The following HAS1 variants were observed in gnomAD, a reference collection of about 807,000 sequenced individuals.
HAS1 encodes HA synthase 1.
In HAS1, 27 loss-of-function variants were observed where a neutral mutation model predicts 35.0. That is an observed-to-expected ratio of 0.77 (90% confidence interval 0.57 to 1.06). The LOEUF is 1.06. Among genes scored for constraint, HAS1 ranks in the 50% least tolerant of loss-of-function variants. The pLI is 0.00. For missense variants in HAS1, 940 were observed against 814.8 expected (o/e 1.15, Z -1.87); for synonymous variants, 409 against 371.2 (o/e 1.10, Z -1.17).
rs1263206923 is a variant in HAS1 at position 51,713,495 on chromosome 19, T to A, written c.1666A>T (p.Thr556Ser). ...AYVGYWVAML[T>S]LYWVGVRRLC... The stretch of plus-strand genomic sequence containing the variant: ...CTCCGCACGCCCACCCAGTACAGCG[T>A]CAACATGGCCACCCAGTAGCCCACG... The change falls in exon 5 of 5, where the codon ACG (threonine) becomes TCG (serine). Residue 556 changes from threonine (T) to serine (S), a missense_variant. Coordinates refer to ENST00000540069, the MANE Select transcript of HAS1 (RefSeq NM_001297436.2). This position sits in a 1 kb window ranked among gnomAD's most constrained non-coding sequence, Gnocchi z 4.5. 14 of 1,605,856 alleles carry A rather than the reference T, an allele frequency of 8.7e-6. No homozygotes were observed. The highest frequency in any genetic ancestry group is 1.3e-5 in the African/African-American group (1 of 74,624).
In HAS1 at chr19:51,713,387, TCCCC is replaced by T. The variant is rs1353691602; in HGVS notation, c.*36_*39del. The T allele has an allele frequency of 1.7e-5, 24 of 1,443,264 alleles. No homozygotes were observed. 89.4% of individuals were successfully genotyped at this position (1,443,264 alleles called of 1,614,324 possible). On this transcript the variant is annotated 3_prime_UTR_variant, in exon 5 of 5. Coordinates refer to ENST00000540069, the MANE Select transcript of HAS1 (RefSeq NM_001297436.2). This position sits in a 1 kb window ranked among gnomAD's most constrained non-coding sequence, Gnocchi z 4.5. ...GGGGCCCAGCAGCTCTCCTCTGGCC[TCCCC>T]TGAAGACCCTTGAGGCGGCATCCGC... is the stretch of plus-strand genomic sequence containing the variant.
rs2083560009 is a variant in HAS1 at position 51,713,758 on chromosome 19, A to G, written c.1403T>C (p.Met468Thr). ...GAACTTGGCAGGCAGGAGGCCACAC[A>G]TGTAGAGGGGCGCGTAGAGCGACAG... is the stretch of plus-strand genomic sequence containing the variant. ...VLLSLYAPLY[M>T]CGLLPAKFLA... The change falls in exon 5 of 5, where the codon ATG becomes ACG. Residue 468 changes from methionine to threonine, a missense_variant. Physicochemically the swap from Met to Thr is moderately conservative, Grantham distance 81 (BLOSUM62 -1). Transcript: ENST00000540069. This position sits in a 1 kb window ranked among gnomAD's most constrained non-coding sequence, Gnocchi z 4.5. 2 of 1,606,190 alleles carry G rather than the reference A, an allele frequency of 1.2e-6. No homozygotes were observed. Among genetic ancestry groups the G allele is most frequent in the African/African-American group, 1.3e-5 (1 of 74,750 alleles).
rs544159095 is a variant in HAS1, at chr19:51,713,438, C to A, written c.1723G>T (p.Val575Phe). ...LCRRRTGGYR[V>F]QV ...CCGCGTGGCTGGACTCACACCTGGA[C>A]GCGGTAGCCCCCGGTCCGCCGCCGG... Residue 575 changes from valine to phenylalanine, a missense_variant, in exon 5 of 5, where the codon GTC becomes TTC. Val to Phe is a conservative substitution (Grantham distance 50). Coordinates refer to ENST00000540069, the MANE Select transcript of HAS1 (RefSeq NM_001297436.2). The surrounding 1 kb of genome is among the most constrained non-coding windows in gnomAD (Gnocchi z 4.5). 1 of 1,529,358 alleles carries A rather than the reference C, an allele frequency of 6.5e-7. No homozygotes were observed. Among genetic ancestry groups the A allele is most frequent in the Admixed American group, 2.0e-5 (1 of 49,034 alleles). The allele number at this position is 1,529,358 out of a possible 1,614,324, so 94.7% of individuals were successfully genotyped here. A position where few individuals can be genotyped will look rare whatever the true frequency, so the allele number is the denominator to read the frequency against.
At chr19:51,715,699 A>C (rs565749155) in intron 4 of HAS1, among the ~76,000 whole-genome samples, 131 of 152,276 alleles carry the variant, frequency 8.6e-4, no homozygotes, top group African/African-American at 3.1e-3. Flanking sequence ...CTTTGCAGAA[A>C]TCACTCTCCC....
In HAS1 at chr19:51,719,496, G is replaced by A. The variant is rs2083609892; in HGVS notation, c.409C>T (p.Arg137Cys). Residue 137 changes from arginine (R) to cysteine (C), a missense_variant, in exon 2 of 5, where the codon CGC (arginine) becomes TGC (cysteine). By Grantham distance (180) the Arg-to-Cys change is radical. Transcript: ENST00000540069. Reference sequence around the variant, plus strand: ...TCGACCATGTAGAGGTCCTCGGCGCGGTTGCCATCCACCACCATGAGGACG... The same window carrying A: ...TCGACCATGTAGAGGTCCTCGGCGCAGTTGCCATCCACCACCATGAGGACG... ...LRVLMVVDGN[R>C]AEDLYMVDMF... 2.6e-6 allele frequency: 4 copies of A among 1,550,256 alleles called. No homozygotes were observed. In the South Asian group the frequency reaches 3.6e-5, roughly 14 times the overall value.
rs761306818 is a variant in HAS1 at position 51,713,401 on chromosome 19, T to C, written c.*26A>G. The C allele has an allele frequency of 6.4e-5, 95 of 1,472,966 alleles. No individual in the cohort carries two copies. Among genetic ancestry groups the C allele is most frequent in the Non-Finnish European group, 8.4e-5 (93 of 1,110,774 alleles). 91.2% of individuals were successfully genotyped at this position (1,472,966 alleles called of 1,614,324 possible). Reference sequence around the variant, plus strand: ...CTCCTCTGGCCTCCCCTGAAGACCCTTGAGGCGGCATCCGCGTGGCTGGAC... The same window carrying C: ...CTCCTCTGGCCTCCCCTGAAGACCCCTGAGGCGGCATCCGCGTGGCTGGAC... On this transcript the variant is annotated 3_prime_UTR_variant, in exon 5 of 5. Coordinates refer to ENST00000540069, the MANE Select transcript of HAS1 (RefSeq NM_001297436.2). The surrounding 1 kb of genome is among the most constrained non-coding windows in gnomAD (Gnocchi z 4.5).
chr19:51,716,340 T>A lies in HAS1; in HGVS notation c.974A>T (p.Asn325Ile). The change falls in exon 4 of 5, where the codon AAC (asparagine) becomes ATC (isoleucine). Residue 325 changes from asparagine (N) to isoleucine (I), a missense_variant. Physicochemically the swap from Asn to Ile is moderately radical, Grantham distance 149. Coordinates refer to ENST00000540069, the MANE Select transcript of HAS1 (RefSeq NM_001297436.2). ...ACAGTGGGTACCCAGGAACTTCTGG[T>A]TGTACCAGGCCTCAAGAAACTGCTG... Reference protein sequence around the residue: ...LLQQFLEAWYNQKFLGTHCTF... With the variant: ...LLQQFLEAWYIQKFLGTHCTF... 1.9e-6 allele frequency: 3 copies of A among 1,613,606 alleles called. No homozygotes were observed. Among genetic ancestry groups the A allele is most frequent in the Non-Finnish European group, 2.5e-6 (3 of 1,179,626 alleles).
chr19:51,714,072 C>A lies in HAS1; in HGVS notation c.1089G>T (p.Glu363Asp). The A allele has an allele frequency of 6.2e-7, 1 of 1,613,444 alleles. No individual in the cohort carries two copies. Among genetic ancestry groups the A allele is most frequent in the Non-Finnish European group, 8.5e-7 (1 of 1,179,764 alleles). ...KYTSRSRCYS[E>D]TPSSFLRWLS... ...GCCACCGCAGGAAGGACGAGGGCGT[C>A]TCTGAGTAGCAGCGGGACCTGGAGG... The change falls in exon 5 of 5, where the codon GAG becomes GAT. Residue 363 changes from glutamate to aspartate, a missense_variant. Coordinates refer to ENST00000540069, the MANE Select transcript of HAS1 (RefSeq NM_001297436.2).
Position 51,719,862 on chromosome 19 carries a change from A to G in HAS1, c.43T>C (p.Cys15Arg). 6.5e-7 allele frequency: 1 copy of G among 1,544,566 alleles called. No homozygotes were observed. Among genetic ancestry groups the G allele is most frequent in the South Asian group, 1.2e-5 (1 of 84,284 alleles). Residue 15 changes from cysteine (C) to arginine (R), a missense_variant, in exon 2 of 5, where the codon TGC becomes CGC. Physicochemically the swap from Cys to Arg is radical, Grantham distance 180. Coordinates refer to ENST00000540069, the MANE Select transcript of HAS1 (RefSeq NM_001297436.2). ...AGCACCCTCCGGGCCAGGCCGGAGC[A>G]GCGGCAGGCTGCAGGAGTGGGCTTG... Reference protein sequence around the residue: ...APKPTPAACRCSGLARRVLTI... With the variant: ...APKPTPAACRRSGLARRVLTI...
At chr19:51,720,069 T>A (rs1197377189) in intron 1 of HAS1, 174 bp from the exon 2 acceptor site, 1 of 558,936 alleles carries the variant, frequency 1.8e-6, no homozygotes, top group Middle Eastern at 4.4e-4. Flanking sequence ...TCTGTGTCTG[T>A]CTCGCTGTCT....
At chr19:51,720,006 C>T in intron 1 of HAS1, 111 bp from the exon 2 acceptor site, 4 of 606,776 alleles carry the variant, frequency 6.6e-6, no homozygotes, top group African/African-American at 1.9e-5. Flanking sequence ...TTTCCCTCCC[C>T]TCCCTCTCTC....
chr19:51,714,395 T>TAAATAAATAAATAAGC (rs1208372847), intron 4 of HAS1, among the ~76,000 whole-genome samples: 4 of 144,998 alleles, frequency 2.8e-5, no homozygotes, highest in Middle Eastern at 3.5e-3. Context: ...AATAAATAAA[T>TAAATAAATAAATAAGC]AAGCACCAAT....
Position 51,717,033 on chromosome 19 carries a change from G to A in HAS1, c.860C>T (p.Ala287Val). The A allele has an allele frequency of 3.1e-6, 5 of 1,614,082 alleles. No homozygotes were observed. Among genetic ancestry groups the A allele is most frequent in the Non-Finnish European group, 4.2e-6 (5 of 1,179,992 alleles). Residue 287 changes from alanine (A) to valine (V), a missense_variant, in exon 3 of 5, where the codon GCC becomes GTC. By Grantham distance (64) the Ala-to-Val change is moderately conservative. Transcript: ENST00000540069. ...CTGACAAGCCCGCTCCACATTGAAGGCTACCCAGTATCGCAGGCTGCTTAG... is the reference window on the plus strand; with the variant it reads ...CTGACAAGCCCGCTCCACATTGAAGACTACCCAGTATCGCAGGCTGCTTAG... ...SFLSSLRYWV[A>V]FNVERACQSY...
Position 51,713,179 on chromosome 19 carries a change from G to A in HAS1, c.*248C>T, listed in dbSNP as rs919583583. ...GAAATGGAGATTAAATAAGAACGAG[G>A]AGAAAGCAGGACCCTTTCCCTCCAC... On this transcript the variant is annotated 3_prime_UTR_variant, in exon 5 of 5. Transcript: ENST00000540069. The surrounding 1 kb of genome is among the most constrained non-coding windows in gnomAD (Gnocchi z 4.5). 5 of 386,030 alleles carry A rather than the reference G, an allele frequency of 1.3e-5. No homozygotes were observed. Among genetic ancestry groups the A allele is most frequent in the Non-Finnish European group, 2.2e-5 (5 of 225,176 alleles). 23.9% of individuals were successfully genotyped at this position (386,030 alleles called of 1,614,324 possible). A position where few individuals can be genotyped will look rare whatever the true frequency, so the allele number is the denominator to read the frequency against.
chr19:51,714,698 G>GAAAAAA (rs55677402), intron 4 of HAS1, among the ~76,000 whole-genome samples: 1 of 126,328 alleles, frequency 7.9e-6, no homozygotes, highest in African/African-American at 3.0e-5. Flanking sequence ...CTCTATCTAA[G>GAAAAAA]AAAAAAAAAA....
chr19:51,720,729 G>T (rs2122272267), intron 1 of HAS1, among the ~76,000 whole-genome samples: 1 of 151,896 alleles, frequency 6.6e-6, no homozygotes, highest in South Asian at 2.1e-4. Flanking sequence ...AAAGTGCTAT[G>T]AATACAGGCA....
At chr19:51,720,953 A>G (rs939089292) in intron 1 of HAS1, among the ~76,000 whole-genome samples, 1 of 152,238 alleles carries the variant, frequency 6.6e-6, no homozygotes, top group African/African-American at 2.4e-5. Context: ...ATAATAACAC[A>G]TACTAAAAAA....
chr19:51,720,672 AC>A (rs869110236), intron 1 of HAS1, among the ~76,000 whole-genome samples: 6 of 151,530 alleles, frequency 4.0e-5, no homozygotes, highest in South Asian at 4.2e-4. Flanking sequence ...TAAAAAAAAA[AC>A]AATTAGAGGA....
chr19:51,713,585 C>A lies in HAS1; in HGVS notation c.1576G>T (p.Ala526Ser). 2 of 1,560,832 alleles carry A rather than the reference C, an allele frequency of 1.3e-6. No homozygotes were observed. The highest frequency in any genetic ancestry group is 1.2e-5 in the South Asian group (1 of 86,444). The change falls in exon 5 of 5, where the codon GCC becomes TCC. Residue 526 changes from alanine (A) to serine (S), a missense_variant. Transcript: ENST00000540069. The surrounding 1 kb of genome is among the most constrained non-coding windows in gnomAD (Gnocchi z 4.5). Reference protein sequence around the residue: ...LVRSVAHEARADWSGPSRAAE... With the variant: ...LVRSVAHEARSDWSGPSRAAE... ...GCGCGGGAAGGGCCGCTCCAGTCGG[C>A]CCTGGCCTCGTGTGCTACGCTGCGG...
Sources: allele counts gnomAD v4.1 joint callset (sites outside exome capture counted in the v4.1 genomes callset), GRCh38; gene constraint gnomAD v4.1.1; non-coding constraint Gnocchi (gnomAD v3.1); transcripts MANE v1.5; gene names NCBI Gene and HGNC (gene_info 2026-07-23, HGNC 2026-07-21).